Variants in SGCZ observed in about 807,000 individuals in gnomAD.
The protein encoded by SGCZ is sarcoglycan zeta.
Under a neutral mutation model 41.3 loss-of-function variants are expected in SGCZ, and 40 were observed. That is an observed-to-expected ratio of 0.97 (90% CI 0.75 to 1.26). The LOEUF (loss-of-function observed/expected upper bound fraction) is 1.26. SGCZ is among the 50% of genes most tolerant of loss of function. The probability of loss-of-function intolerance (pLI) is 0.00; values close to 1 mark genes in which losing one functional copy is unlikely to be tolerated. For missense variants in SGCZ, 552 were observed against 369.8 expected, an observed-to-expected ratio of 1.49 and a Z score of -4.04; for synonymous variants, 206 against 137.5, an observed-to-expected ratio of 1.50 and a Z score of -3.49.
At chr8:14,802,841 A>G (rs1801370004) in intron 1 of SGCZ, among the ~76,000 whole-genome samples, 1 of 152,162 alleles carries the variant, frequency 6.6e-6, no homozygotes, top group African/African-American at 2.4e-5. Flanking sequence ...TGGCTCATTA[A>G]CACCAAAGCA....
intron 1 of SGCZ, among the ~76,000 whole-genome samples, chr8:15,216,286 C>G (rs1188448608): frequency 7.4e-6 from 1 of 135,866 alleles, no homozygotes; most frequent in African/African-American, 2.8e-5. Context: ...GCGGCACGAT[C>G]TCGGCTCAAG....
At chr8:14,492,256 T>C (rs1801862495) in intron 2 of SGCZ, among the ~76,000 whole-genome samples, 1 of 152,184 alleles carries the variant, frequency 6.6e-6, no homozygotes, top group Non-Finnish European at 1.5e-5. Flanking sequence ...TACTTATCAC[T>C]GAAATAATCT....
chr8:14,237,509 G>GACC, intron 4 of SGCZ, 83 bp downstream of exon 4: 1 of 922,742 alleles, frequency 1.1e-6, no homozygotes, highest in Non-Finnish European at 1.7e-6. Flanking sequence ...CAACAACAAC[G>GACC]ACAACAACAA....
At chr8:14,742,009 G>C (rs1323816776) in intron 1 of SGCZ, among the ~76,000 whole-genome samples, 1 of 151,712 alleles carries the variant, frequency 6.6e-6, no homozygotes, top group Non-Finnish European at 1.5e-5. Flanking sequence ...AATTATTTAA[G>C]GCATAATTAT....
At position 14,089,209 on chromosome 8, in the gene SGCZ, C is replaced by A. The variant is rs1047365753; in HGVS notation, c.*1234G>T. Among the ~76,000 whole-genome samples, 1 of 151,788 alleles carries A rather than the reference C, an allele frequency of 6.6e-6. No homozygotes were observed. Among genetic ancestry groups the A allele is most frequent in the African/African-American group, 2.4e-5 (1 of 41,380 alleles). ...TTTTGAGGTCAGGGTAGCCTAACAACGATCTAATAAAAGTAAATATATGTT... is the reference window on the plus strand; with the variant it reads ...TTTTGAGGTCAGGGTAGCCTAACAAAGATCTAATAAAAGTAAATATATGTT... On this transcript the variant is annotated 3_prime_UTR_variant, in exon 8 of 8. Coordinates refer to ENST00000382080, the MANE Select transcript of SGCZ (RefSeq NM_139167.4).
chr8:14,240,327 C>CAAAAAAAAAAAAAAA (rs59351247), intron 3 of SGCZ, among the ~76,000 whole-genome samples: 10 of 115,240 alleles, frequency 8.7e-5, no homozygotes, highest in African/African-American at 9.7e-5. Context: ...AACTCTGTGT[C>CAAAAAAAAAAAAAAA]AAAAAAAAAA....
intron 2 of SGCZ, among the ~76,000 whole-genome samples, chr8:14,536,225 T>C (rs1319259091): frequency 6.6e-6 from 1 of 151,862 alleles, no homozygotes; most frequent in Non-Finnish European, 1.5e-5. Context: ...GGATGCTGTG[T>C]CAAATATGGC....
intron 1 of SGCZ, among the ~76,000 whole-genome samples, chr8:14,662,843 G>A (rs1356956979): frequency 6.6e-6 from 1 of 152,142 alleles, no homozygotes; most frequent in Non-Finnish European, 1.5e-5. Flanking sequence ...AACAGGAGAA[G>A]AATTTGACTT....
chr8:14,225,516 TAGTC>T (rs1806341885), intron 4 of SGCZ, among the ~76,000 whole-genome samples: 2 of 152,102 alleles, frequency 1.3e-5, no homozygotes, highest in Non-Finnish European at 2.9e-5. Context: ...ATCAACATGA[TAGTC>T]AGGTGTAATC....
At chr8:14,791,384 G>C (rs1702466920) in intron 1 of SGCZ, among the ~76,000 whole-genome samples, 2 of 151,986 alleles carry the variant, frequency 1.3e-5, no homozygotes, top group Non-Finnish European at 2.9e-5. Context: ...TGCGCCTCTA[G>C]GAGTTATCCT....
At chr8:14,586,289 C>T (rs1449324933) in intron 1 of SGCZ, among the ~76,000 whole-genome samples, 1 of 152,104 alleles carries the variant, frequency 6.6e-6, no homozygotes, top group Non-Finnish European at 1.5e-5. Context: ...TCTCTGTTGA[C>T]TGCAAACTCT....
intron 3 of SGCZ, among the ~76,000 whole-genome samples, chr8:14,242,231 GT>G (rs1330771016): frequency 6.6e-6 from 1 of 152,176 alleles, no homozygotes; most frequent in Non-Finnish European, 1.5e-5. Flanking sequence ...ATTCTCTCCA[GT>G]TTAACTATTA....
At chr8:14,199,370 C>T (rs1435883626) in intron 4 of SGCZ, among the ~76,000 whole-genome samples, 1 of 152,110 alleles carries the variant, frequency 6.6e-6, no homozygotes. Flanking sequence ...AATTCTGTCT[C>T]CTGATAAGAT....
intron 1 of SGCZ, among the ~76,000 whole-genome samples, chr8:14,640,682 GC>G (rs1331777657): frequency 2.1e-5 from 3 of 144,906 alleles, no homozygotes; most frequent in Admixed American, 1.4e-4. Context: ...GTATATATTT[GC>G]TTTGTACTTG....
chr8:14,591,989 T>C (rs964183728), intron 1 of SGCZ, among the ~76,000 whole-genome samples: 11 of 152,234 alleles, frequency 7.2e-5, no homozygotes, highest in African/African-American at 2.6e-4. Flanking sequence ...AAACAGTTAT[T>C]GGAACAATTG....
At position 14,635,303 on chromosome 8, in the gene SGCZ, A is replaced by C. The variant is rs141383595; in HGVS notation, c.40-80377T>G. 8.8e-3 allele frequency among the ~76,000 whole-genome samples: 1,334 copies of C among 152,040 alleles called. 18 individuals carry two copies. Among genetic ancestry groups the C allele is most frequent in the African/African-American group, 0.03 (1,265 of 41,524 alleles). The stretch of plus-strand genomic sequence containing the variant: ...TTCTTATGAAAAGGGTCACCTTTTT[A>C]GCCATGAGAAATATATCCAACTGTA... On this transcript the variant is annotated intron_variant, in intron 1 of 7. Coordinates refer to ENST00000382080, the MANE Select transcript of SGCZ (RefSeq NM_139167.4).
intron 5 of SGCZ, among the ~76,000 whole-genome samples, chr8:14,114,998 T>A (rs1802480687): frequency 6.6e-6 from 1 of 151,970 alleles, no homozygotes; most frequent in Non-Finnish European, 1.5e-5. Flanking sequence ...GGAAACGACA[T>A]TTTTAAAAAT....
chr8:14,397,961 G>A (rs954685370), intron 2 of SGCZ, among the ~76,000 whole-genome samples: 1 of 152,112 alleles, frequency 6.6e-6, no homozygotes, highest in South Asian at 2.1e-4. Flanking sequence ...ACATTCTGAT[G>A]AATTCCCTTG....
intron 1 of SGCZ, among the ~76,000 whole-genome samples, chr8:14,729,722 G>C (rs1189879043): frequency 6.6e-6 from 1 of 152,108 alleles, no homozygotes; most frequent in African/African-American, 2.4e-5. Context: ...TATTATGGCA[G>C]CACTTGAAAA....
Sources: gnomAD v4.1 joint callset for allele counts (sites outside exome capture counted in the v4.1 genomes callset) on GRCh38, gnomAD v4.1.1 for gene constraint, MANE v1.5 for transcripts, NCBI Gene and HGNC (gene_info 2026-07-23, HGNC 2026-07-21) for gene names.